UBE2D4: variants seen among roughly 807,000 people sequenced by gnomAD.
UBE2D4 encodes the protein ubiquitin conjugating enzyme E2 D4, also known as ubiquitin-conjugating enzyme E2 D4.
Under a neutral mutation model 23.0 loss-of-function variants are expected in UBE2D4, and 17 were observed. That is an observed-to-expected ratio of 0.74 (90% CI 0.51 to 1.11). The LOEUF is 1.11. Ranked by LOEUF, UBE2D4 falls within the 50% of genes least tolerant of loss-of-function variation. UBE2D4 has a pLI of 0.00. For missense variants in UBE2D4, 139 were observed against 181.8 expected, an observed-to-expected ratio of 0.76 and a Z score of 1.35; for synonymous variants, 61 against 69.4, an observed-to-expected ratio of 0.88 and a Z score of 0.60.
Position 43,953,008 on chromosome 7 carries a change from C to G in UBE2D4, c.*313C>G. The G allele has an allele frequency of 1.5e-5, 6 of 403,422 alleles. No individual in the cohort carries two copies. Among genetic ancestry groups the G allele is most frequent in the South Asian group, 1.2e-4 (6 of 51,182 alleles). The allele number at this position is 403,422 out of a possible 1,614,324, so 25.0% of individuals were successfully genotyped here. A position where few individuals can be genotyped will look rare whatever the true frequency, so the allele number is the denominator to read the frequency against. On this transcript the variant is annotated 3_prime_UTR_variant, in exon 7 of 7. Transcript: ENST00000222402. ...GTCTCTTGGGGGGCCAGGCCCTGCA[C>G]GTCTCTCCTACCCGGCCTCAAATGG...
chr7:43,952,440 A>G (rs2096004896), intron 6 of UBE2D4: 1 of 538,072 alleles, frequency 1.9e-6, no homozygotes, highest in African/African-American at 1.9e-5. Context: ...TGGGGTTTAC[A>G]CATGAGGGGT....
chr7:43,930,884 C>G (rs1450422195), intron 1 of UBE2D4, among the ~76,000 whole-genome samples: 12 of 151,886 alleles, frequency 7.9e-5, no homozygotes, highest in Non-Finnish European at 1.2e-4. Flanking sequence ...GTCTGTAATC[C>G]CAGCATTTTG....
In UBE2D4 at chr7:43,938,898, T is replaced by G. The variant is rs147230243; in HGVS notation, c.88+404T>G. ...GCCAAGCAGTATTTAAGAAAACCAATCAATGCTTTTCCCTTCATTTTCTCT... is the reference window on the plus strand; with the variant it reads ...GCCAAGCAGTATTTAAGAAAACCAAGCAATGCTTTTCCCTTCATTTTCTCT... On this transcript the variant is annotated intron_variant, in intron 2 of 6. Transcript: ENST00000222402. 2.9e-3 allele frequency among the ~76,000 whole-genome samples: 443 copies of G among 152,296 alleles called. 1 individual carries two copies. The highest frequency in any genetic ancestry group is 5.5e-3 in the Non-Finnish European group (372 of 68,012).
At position 43,955,819 on chromosome 7, in the gene UBE2D4, C is replaced by T. The variant is rs1231147907; in HGVS notation, c.*3124C>T. On this transcript the variant is annotated 3_prime_UTR_variant, in exon 7 of 7. Coordinates refer to ENST00000222402, the MANE Select transcript of UBE2D4 (RefSeq NM_015983.4). The stretch of plus-strand genomic sequence containing the variant: ...CTCCTCTGACTGTGAAACACTTCCT[C>T]TCCAGCAGTGTTGGGAAAGTTCTGG... 6.6e-6 allele frequency: 1 copy of T among 152,216 alleles called. No homozygotes were observed. Among genetic ancestry groups the T allele is most frequent in the African/African-American group, 2.4e-5 (1 of 41,438 alleles). The allele number at this position is 152,216 out of a possible 1,614,324, so 9.4% of individuals were successfully genotyped here. A position where few individuals can be genotyped will look rare whatever the true frequency, so the allele number is the denominator to read the frequency against.
At chr7:43,948,997 A>G in intron 5 of UBE2D4, 1 of 451,618 alleles carries the variant, frequency 2.2e-6, no homozygotes, top group South Asian at 5.5e-5. Flanking sequence ...CAAGAAGAAA[A>G]TACTGATTCT....
Position 43,948,712 on chromosome 7 carries a change from G to A in UBE2D4, c.279G>A (p.Trp93Ter). Residue 93 changes from tryptophan (W) to a stop codon, truncating the protein, a stop_gained, in exon 5 of 7, where the codon TGG becomes TGA. Transcript: ENST00000222402. LOFTEE classifies it high-confidence loss of function. Reference sequence around the variant, plus strand: ...GCCTTGATATCCTGCGGTCTCAGTGGTCTCCAGCGTTGACTGTGTCAAAAG... The same window carrying A: ...GCCTTGATATCCTGCGGTCTCAGTGATCTCCAGCGTTGACTGTGTCAAAAG... ...SICLDILRSQ[W>*]SPALTVSKVL... The A allele has an allele frequency of 6.2e-7, 1 of 1,613,606 alleles. No homozygotes were observed. The highest frequency in any genetic ancestry group is 2.2e-5 in the East Asian group (1 of 44,888).
intron 1 of UBE2D4, among the ~76,000 whole-genome samples, chr7:43,929,573 C>T (rs1451281243): frequency 1.3e-5 from 2 of 152,080 alleles, no homozygotes; most frequent in Non-Finnish European, 2.9e-5. Flanking sequence ...CTCACCACTG[C>T]ACTCCAGCCT....
At chr7:43,942,232 C>G (rs1206412869) in intron 2 of UBE2D4, 1 of 155,252 alleles carries the variant, frequency 6.4e-6, no homozygotes, top group Non-Finnish European at 1.4e-5. Flanking sequence ...AGAAGGATAG[C>G]TTGAGCCCAG....
intron 1 of UBE2D4, among the ~76,000 whole-genome samples, chr7:43,926,788 C>G (rs534186590): frequency 6.6e-6 from 1 of 151,660 alleles, no homozygotes; most frequent in Non-Finnish European, 1.5e-5. Flanking sequence ...CTGCGTCATG[C>G]GGGCGGGGCG....
Position 43,953,248 on chromosome 7 carries a change from G to GCTTC in UBE2D4, c.*555_*558dup, listed in dbSNP as rs1266000893. 2 of 455,436 alleles carry GCTTC rather than the reference G, an allele frequency of 4.4e-6. No homozygotes were observed. Among genetic ancestry groups the GCTTC allele is most frequent in the African/African-American group, 4.0e-5 (2 of 50,040 alleles). The allele number at this position is 455,436 out of a possible 1,614,324, so 28.2% of individuals were successfully genotyped here. ...TGGGAAGTGAAGGCCTAGCCCTGTGGCTTCCACCAGTCTCCTCCTGCAGTG... is the reference window on the plus strand; with the variant it reads ...TGGGAAGTGAAGGCCTAGCCCTGTGGCTTCCTTCCACCAGTCTCCTCCTGCAGTG... On this transcript the variant is annotated 3_prime_UTR_variant, in exon 7 of 7. Coordinates refer to ENST00000222402, the MANE Select transcript of UBE2D4 (RefSeq NM_015983.4).
Position 43,947,955 on chromosome 7 carries a change from AT to A in UBE2D4, c.199-671del, listed in dbSNP as rs2095992088. On this transcript the variant is annotated intron_variant, in intron 4 of 6. Coordinates refer to ENST00000222402, the MANE Select transcript of UBE2D4 (RefSeq NM_015983.4). ...TCTCTGATGACCAGTGATGATGAGC[AT>A]TTTTTATGTGTCTGTTGGCTGCATA... Among the ~76,000 whole-genome samples, 3 of 152,314 alleles carry A rather than the reference AT, an allele frequency of 2.0e-5. No individual in the cohort carries two copies. The East Asian group carries it at 5.8e-4, about 29-fold the overall frequency.
intron 1 of UBE2D4, among the ~76,000 whole-genome samples, chr7:43,933,083 ATATG>A (rs1276162324): frequency 1.2e-4 from 17 of 147,800 alleles, no homozygotes; most frequent in African/African-American, 3.7e-4. Context: ...ATATATACAC[ATATG>A]TATGTGTGTA....
intron 4 of UBE2D4, among the ~76,000 whole-genome samples, chr7:43,946,577 A>G (rs1015158083): frequency 2.0e-5 from 3 of 152,148 alleles, no homozygotes; most frequent in African/African-American, 7.2e-5. Context: ...TGCTTTTCCC[A>G]TAGCAATATA....
chr7:43,928,503 C>T (rs1313062940), intron 1 of UBE2D4, among the ~76,000 whole-genome samples: 1 of 151,602 alleles, frequency 6.6e-6, no homozygotes, highest in Non-Finnish European at 1.5e-5. Flanking sequence ...CATCTGTCAT[C>T]CTAGGACTTT....
intron 4 of UBE2D4, among the ~76,000 whole-genome samples, chr7:43,945,942 C>T (rs183165236): frequency 1.3e-5 from 2 of 151,904 alleles, no homozygotes; most frequent in South Asian, 2.1e-4. Flanking sequence ...GCCACATGCC[C>T]GGCTAATTTT....
intron 2 of UBE2D4, chr7:43,941,369 T>A (rs2095971947): frequency 6.6e-6 from 1 of 152,258 alleles, no homozygotes; most frequent in Non-Finnish European, 1.5e-5. Context: ...GCCTTGCTGA[T>A]ACACAGGAGC....
At chr7:43,952,557 G>C (rs1387128358) in intron 6 of UBE2D4, 93 bp from the exon 7 acceptor site, 1 of 1,124,618 alleles carries the variant, frequency 8.9e-7, no homozygotes, top group African/African-American at 1.5e-5. Flanking sequence ...AGCAGCAGCA[G>C]CATTCCCCAC....
rs1021522821 is a variant in UBE2D4, at chr7:43,955,411, T to C, written c.*2716T>C. 2 of 152,226 alleles carry C rather than the reference T, an allele frequency of 1.3e-5. No homozygotes were observed. Among genetic ancestry groups the C allele is most frequent in the Admixed American group, 1.3e-4 (2 of 15,280 alleles). The allele number at this position is 152,226 out of a possible 1,614,324, so 9.4% of individuals were successfully genotyped here. ...AGCGTCTGTGTTTGCTGAATGGAGCTGAGATTTTGATCCGCTATCAGACTC... is the reference window on the plus strand; with the variant it reads ...AGCGTCTGTGTTTGCTGAATGGAGCCGAGATTTTGATCCGCTATCAGACTC... On this transcript the variant is annotated 3_prime_UTR_variant, in exon 7 of 7. Transcript: ENST00000222402.
At chr7:43,932,670 G>A (rs2095948465) in intron 1 of UBE2D4, among the ~76,000 whole-genome samples, 1 of 151,964 alleles carries the variant, frequency 6.6e-6, no homozygotes, top group South Asian at 2.1e-4. Context: ...GTAGGTGCCT[G>A]TAATCTCAGC....
Sources: allele counts gnomAD v4.1 joint callset (sites outside exome capture counted in the v4.1 genomes callset), GRCh38; gene constraint gnomAD v4.1.1; transcripts MANE v1.5; gene names NCBI Gene and HGNC (gene_info 2026-07-23, HGNC 2026-07-21).